The following DPY19L2 variants were observed in gnomAD, a reference collection of about 807,000 sequenced individuals.
DPY19L2 encodes dpy-19 like 2, also known as probable C-mannosyltransferase DPY19L2.
In DPY19L2, 34 loss-of-function variants were observed where a neutral mutation model predicts 97.9. The observed-to-expected ratio is 0.35, with a 90% CI of 0.26 to 0.46. The LOEUF is 0.46. DPY19L2 is among the 20% of genes least tolerant of loss of function. The pLI is 1.00. For synonymous variants in DPY19L2, 230 were observed against 307.9 expected (o/e 0.75, Z 2.65); for missense variants, 623 against 911.4 (o/e 0.68, Z 4.07).
intron 21 of DPY19L2, among the ~76,000 whole-genome samples, chr12:63,562,438 G>GTTTGGGGCTAATACAGAATACT: frequency 6.6e-6 from 1 of 152,144 alleles, no homozygotes; most frequent in African/African-American, 2.4e-5. Flanking sequence ...ATAAATAAGT[G>GTTTGGGGCTAATACAGAATACT]GATTGTTTCC....
chr12:63,579,451 G>A (rs1880481000), intron 19 of DPY19L2, among the ~76,000 whole-genome samples: 2 of 152,274 alleles, frequency 1.3e-5, no homozygotes, highest in African/African-American at 4.8e-5. Context: ...AGGAGAATAA[G>A]ACAGATTAAA....
At position 63,647,264 on chromosome 12, in the gene DPY19L2, A is replaced by C. The variant is rs1425624265; in HGVS notation, c.690T>G (p.Asn230Lys). 3.8e-6 allele frequency: 6 copies of C among 1,562,514 alleles called. No homozygotes were observed. Among genetic ancestry groups the C allele is most frequent in the Non-Finnish European group, 5.2e-6 (6 of 1,154,484 alleles). Residue 230 changes from asparagine to lysine, a missense_variant, in exon 5 of 22, where the codon AAT becomes AAG. By Grantham distance (94) the Asn-to-Lys change is moderately conservative. Coordinates refer to ENST00000324472, the MANE Select transcript of DPY19L2 (RefSeq NM_173812.5). ...CWNVTRIEPL[N>K]EVQSCEGLGD... ...ACATGCCTTCACAGCTTTGAACTTC[A>C]TTAAGAGGTTCTATTCTGGTGACAT...
chr12:63,621,425 T>C (rs1043141921), intron 8 of DPY19L2, 88 bp from the exon 9 acceptor site: 1 of 717,616 alleles, frequency 1.4e-6, no homozygotes, highest in South Asian at 1.7e-5. Flanking sequence ...TGATAAAATC[T>C]ACATTATTCC....
intron 6 of DPY19L2, among the ~76,000 whole-genome samples, chr12:63,628,273 C>A (rs1265043381): frequency 6.6e-6 from 1 of 152,184 alleles, no homozygotes; most frequent in African/African-American, 2.4e-5. Flanking sequence ...CAAGGCATTG[C>A]CTCACCCAGG....
At chr12:63,579,533 C>T (rs1053087355) in intron 19 of DPY19L2, among the ~76,000 whole-genome samples, 1 of 151,988 alleles carries the variant, frequency 6.6e-6, no homozygotes. Context: ...GGATAAGTTG[C>T]CAAATGTAGG....
intron 21 of DPY19L2, among the ~76,000 whole-genome samples, chr12:63,564,033 A>G (rs1281636851): frequency 6.6e-6 from 1 of 152,154 alleles, no homozygotes; most frequent in Admixed American, 6.5e-5. Flanking sequence ...TTAGTGGAAT[A>G]AAGTTGTTCC....
At position 63,624,078 on chromosome 12, in the gene DPY19L2, G is replaced by A. The variant is rs145052038; in HGVS notation, c.915C>T (p.Phe305=). ...TTAAAATACACATCTGAAGTACAAG[G>A]AAAGGATAGGAAAAACTTTCACGGA... ...PPLRESFSYP[F]LVLQMCILTL... is the part of the protein sequence containing the mutation. The change falls in exon 8 of 22, where the codon TTC becomes TTT. Residue 305 remains phenylalanine, a synonymous_variant. Coordinates refer to ENST00000324472, the MANE Select transcript of DPY19L2 (RefSeq NM_173812.5). 4.6e-4 allele frequency: 745 copies of A among 1,611,718 alleles called. 2 individuals carry two copies. Among genetic ancestry groups the A allele is most frequent in the Non-Finnish European group, 6.0e-4 (706 of 1,179,666 alleles).
intron 1 of DPY19L2, among the ~76,000 whole-genome samples, chr12:63,666,231 G>C (rs7308750): frequency 0.51 from 76,912 of 151,832 alleles, 20,177 homozygotes; most frequent in African/African-American, 0.65. Context: ...TATGCTTCAG[G>C]TAGTTCTAAC....
chr12:63,600,918 T>G (rs534006971), intron 12 of DPY19L2, among the ~76,000 whole-genome samples: 2,040 of 152,032 alleles, frequency 0.013, 25 homozygotes, highest in Non-Finnish European at 0.021. Flanking sequence ...CCCGAGTAGC[T>G]GGGACCACAG....
intron 9 of DPY19L2, chr12:63,620,164 A>G: frequency 3.3e-6 from 1 of 302,530 alleles, no homozygotes. Context: ...AATGTCATCA[A>G]AATTCTCCAT....
intron 6 of DPY19L2, among the ~76,000 whole-genome samples, chr12:63,632,622 G>T (rs1461751443): frequency 1.3e-5 from 2 of 152,114 alleles, no homozygotes; most frequent in African/African-American, 4.8e-5. Flanking sequence ...TCAATATCGT[G>T]AAAATGGCCA....
At position 63,617,326 on chromosome 12, in the gene DPY19L2, G is replaced by T. The variant is rs745516711; in HGVS notation, c.1196C>A (p.Ser399Tyr). Residue 399 changes from serine (S) to tyrosine (Y), a missense_variant, in exon 11 of 22, where the codon TCT becomes TAT. Transcript: ENST00000324472. Reference sequence around the variant, plus strand: ...TACCCACGTCATTAACAAAGATGAAGAATAATAAGAAGATAAGTACATTGA... The same window carrying T: ...TACCCACGTCATTAACAAAGATGAATAATAATAAGAAGATAAGTACATTGA... ...GNSMYLSSYY[S>Y]SSLLMTWAII... 2 of 1,594,868 alleles carry T rather than the reference G, an allele frequency of 1.3e-6. No individual in the cohort carries two copies. The highest frequency in any genetic ancestry group is 1.1e-5 in the South Asian group (1 of 88,658).
At chr12:63,658,103 A>G (rs1244273343) in intron 4 of DPY19L2, among the ~76,000 whole-genome samples, 4 of 152,160 alleles carry the variant, frequency 2.6e-5, no homozygotes, top group African/African-American at 4.8e-5. Flanking sequence ...TTCGTCACCA[A>G]ATTGACACCT....
intron 9 of DPY19L2, among the ~76,000 whole-genome samples, chr12:63,618,552 A>G (rs930064044): frequency 1.3e-5 from 2 of 152,168 alleles, no homozygotes; most frequent in Admixed American, 6.6e-5. Context: ...CAACAGAGGC[A>G]GATGCCTTCC....
chr12:63,630,313 A>G (rs1172431822), intron 6 of DPY19L2, among the ~76,000 whole-genome samples: 1 of 152,176 alleles, frequency 6.6e-6, no homozygotes, highest in Non-Finnish European at 1.5e-5. Context: ...TGCTGTATTC[A>G]GGAAACCCAT....
At chr12:63,564,055 C>T (rs1701232403) in intron 21 of DPY19L2, among the ~76,000 whole-genome samples, 1 of 152,128 alleles carries the variant, frequency 6.6e-6, no homozygotes, top group South Asian at 2.1e-4. Context: ...AAAACTCCCT[C>T]ATTATGCTTT....
Position 63,668,180 on chromosome 12 carries a change from C to T in DPY19L2, c.214G>A (p.Val72Met). The change falls in exon 1 of 22, where the codon GTG becomes ATG. Residue 72 changes from valine to methionine, a missense_variant. Around this residue, in one of 6 missense-constraint regions of DPY19L2, gnomAD observed 144 missense variants for 119.4 expected, o/e 1.21. Coordinates refer to ENST00000324472, the MANE Select transcript of DPY19L2 (RefSeq NM_173812.5). Reference sequence around the variant, plus strand: ...CCGAGAAGAAAGGTCTTGGCCACCACCTCTAGCTCCAAGCCTTTTCGCTCT... The same window carrying T: ...CCGAGAAGAAAGGTCTTGGCCACCATCTCTAGCTCCAAGCCTTTTCGCTCT... Reference protein sequence around the residue: ...LKERKGLELEVVAKTFLLGPF... With the variant: ...LKERKGLELEMVAKTFLLGPF... The T allele has an allele frequency of 6.2e-7, 1 of 1,613,966 alleles. No homozygotes were observed.
intron 6 of DPY19L2, among the ~76,000 whole-genome samples, chr12:63,639,101 G>C (rs549954631): frequency 6.6e-6 from 1 of 152,054 alleles, no homozygotes; most frequent in Non-Finnish European, 1.5e-5. Flanking sequence ...CAAGCAATGC[G>C]GAAAGGATTC....
At chr12:63,600,611 CTTTTTTTT>C (rs71434019) in intron 12 of DPY19L2, among the ~76,000 whole-genome samples, 1 of 110,594 alleles carries the variant, frequency 9.0e-6, no homozygotes, top group African/African-American at 3.5e-5. Context: ...TATCCTAAAT[CTTTTTTTT>C]TTTTTTTTTT....
Sources: allele counts gnomAD v4.1 joint callset (sites outside exome capture counted in the v4.1 genomes callset), GRCh38; gene constraint gnomAD v4.1.1; regional missense constraint gnomAD v4.1.1; transcripts MANE v1.5; gene names NCBI Gene and HGNC (gene_info 2026-07-23, HGNC 2026-07-21).